NRK: variants seen among roughly 807,000 people sequenced by gnomAD.
NRK encodes nik-related protein kinase.
Under a neutral mutation model 125.2 loss-of-function variants are expected in NRK, and 67 were observed. The ratio of observed to expected loss-of-function variants is 0.54; its 90% CI spans 0.44 to 0.66. The LOEUF is 0.66. NRK is among the 30% of genes least tolerant of loss of function. The pLI, the probability that NRK is intolerant of heterozygous loss-of-function variation, is 0.00. For synonymous variants in NRK, 458 were observed against 429.0 expected (o/e 1.07, Z -0.84); for missense variants, 1,224 against 1,192.9 (o/e 1.03, Z -0.38).
chrX:105,885,248 G>T (rs2039928950), intron 4 of NRK, among the ~76,000 whole-genome samples: 2 of 111,951 alleles, frequency 1.8e-5, no homozygotes, highest in African/African-American at 6.5e-5. Context: ...ATTCAAAGGA[G>T]GTCAGTGAGG....
intron 24 of NRK, among the ~76,000 whole-genome samples, chrX:105,944,816 T>A (rs2040792581): frequency 9.0e-6 from 1 of 111,692 alleles, no homozygotes; most frequent in South Asian, 3.8e-4. Flanking sequence ...CTAAACACAT[T>A]TCTCTCTCTA....
intron 2 of NRK, among the ~76,000 whole-genome samples, chrX:105,832,029 T>A (rs922492781): frequency 9.0e-6 from 1 of 111,679 alleles, no homozygotes; most frequent in Non-Finnish European, 1.9e-5. Context: ...CCATTATATA[T>A]CAGGGACTTG....
chrX:105,838,576 A>G (rs1191989340), intron 2 of NRK, among the ~76,000 whole-genome samples: 2 of 111,376 alleles, frequency 1.8e-5, no homozygotes, highest in African/African-American at 6.5e-5. Context: ...CAAGGCAACC[A>G]TTTCAAGCAA....
chrX:105,929,115 A>G (rs767425994), intron 19 of NRK, among the ~76,000 whole-genome samples: 2 of 111,850 alleles, frequency 1.8e-5, no homozygotes, highest in East Asian at 5.6e-4. Flanking sequence ...ATTGTAGTTT[A>G]TCTCTCCCTT....
At chrX:105,856,657 C>T in intron 2 of NRK, among the ~76,000 whole-genome samples, 1 of 110,905 alleles carries the variant, frequency 9.0e-6, no homozygotes, top group East Asian at 2.8e-4. Context: ...ATTAAAGGGC[C>T]TGATTTTCTT....
chrX:105,882,959 A>G lies in NRK; in HGVS notation c.252+1180A>G, dbSNP rs752574980. On this transcript the variant is annotated intron_variant, in intron 4 of 28. Coordinates refer to ENST00000243300, the MANE Select transcript of NRK (RefSeq NM_198465.4). ...CTCTCTGGCACACTTTCCTTAGAGA[A>G]AAGGATTTTGATTCTAGAATTGGAT... 7.1e-5 allele frequency among the ~76,000 whole-genome samples: 8 copies of G among 112,478 alleles called. No individual in the cohort carries two copies. In the South Asian group the frequency reaches 1.5e-3, roughly 21 times the overall value.
chrX:105,864,561 A>G (rs1307926125), intron 2 of NRK, among the ~76,000 whole-genome samples: 4 of 111,631 alleles, frequency 3.6e-5, no homozygotes, highest in Non-Finnish European at 7.5e-5. Context: ...TATACATCTT[A>G]AGTAAAACAC....
At position 105,924,811 on chromosome X, in the gene NRK, G is replaced by C; in HGVS notation, c.3092G>C (p.Ser1031Thr). Residue 1031 changes from serine (S) to threonine (T), a missense_variant, in exon 19 of 29, where the codon AGT becomes ACT. Physicochemically the swap from Ser to Thr is moderately conservative, Grantham distance 58. Coordinates refer to ENST00000243300, the MANE Select transcript of NRK (RefSeq NM_198465.4). ...ACAGCCAATAGAAGCCATGGAGGAA[G>C]TGCAGCCAGTGAGGACAATGCAGCC... Reference protein sequence around the residue: ...SHTANRSHGGSAASEDNAAIG... With the variant: ...SHTANRSHGGTAASEDNAAIG... The C allele has an allele frequency of 8.3e-7, 1 of 1,210,587 alleles. No homozygotes were observed. Among genetic ancestry groups the C allele is most frequent in the South Asian group, 1.8e-5 (1 of 56,857 alleles).
chrX:105,837,962 C>T (rs1437629733), intron 2 of NRK, among the ~76,000 whole-genome samples: 1 of 111,372 alleles, frequency 9.0e-6, no homozygotes, highest in Admixed American at 9.5e-5. Flanking sequence ...CTGACTCTCC[C>T]AGTAACTGAC....
At chrX:105,934,824 A>C (rs1270620999) in intron 20 of NRK, among the ~76,000 whole-genome samples, 2 of 111,991 alleles carry the variant, frequency 1.8e-5, no homozygotes, top group Non-Finnish European at 3.8e-5. Flanking sequence ...TTGTTTTTTT[A>C]TTTTGAAATA....
In NRK at chrX:105,924,703, A is replaced by G. The variant is rs772920831; in HGVS notation, c.2984A>G (p.Tyr995Cys). The change falls in exon 19 of 29, where the codon TAT (tyrosine) becomes TGT (cysteine). Residue 995 changes from tyrosine (Y) to cysteine (C), a missense_variant. Transcript: ENST00000243300. Reference sequence around the variant, plus strand: ...TTGGAGCTTGTTGTCAGGGCAAGCTATGGCAGAGATGGAAGCTGCAAGCAA... The same window carrying G: ...TTGGAGCTTGTTGTCAGGGCAAGCTGTGGCAGAGATGGAAGCTGCAAGCAA... The part of the protein sequence containing the change: ...YEAPSCPRAS[Y>C]GRDGSCKQDG... 2.5e-6 allele frequency: 3 copies of G among 1,192,530 alleles called. No individual in the cohort carries two copies. The highest frequency in any genetic ancestry group is 4.6e-5 in the Admixed American group (2 of 43,099).
chrX:105,855,824 A>G (rs1048482406), intron 2 of NRK, among the ~76,000 whole-genome samples: 3 of 111,669 alleles, frequency 2.7e-5, no homozygotes, highest in Non-Finnish European at 5.7e-5. Context: ...GTGTACAACA[A>G]ATTTTCTAAA....
At chrX:105,950,020 T>A (rs2147799776) in intron 27 of NRK, among the ~76,000 whole-genome samples, 1 of 112,236 alleles carries the variant, frequency 8.9e-6, no homozygotes, top group South Asian at 3.7e-4. Flanking sequence ...TCTATAATTT[T>A]GTTTTAACTC....
chrX:105,949,776 AT>A, intron 27 of NRK, 42 bp downstream of exon 27: 1 of 940,040 alleles, frequency 1.1e-6, no homozygotes, highest in Non-Finnish European at 1.5e-6. Context: ...CCCAGAGAAA[AT>A]TTACAAGGGT....
chrX:105,828,768 A>G (rs1156954336), intron 1 of NRK, among the ~76,000 whole-genome samples: 4 of 111,838 alleles, frequency 3.6e-5, no homozygotes, highest in Admixed American at 1.9e-4. Flanking sequence ...TCTCTCATAA[A>G]TCTTTCAATG....
chrX:105,877,924 T>C (rs774568816), intron 2 of NRK, among the ~76,000 whole-genome samples: 62 of 111,527 alleles, frequency 5.6e-4, no homozygotes, highest in South Asian at 1.8e-3. Context: ...TGTCATAATC[T>C]ATTGATTTTA....
At position 105,909,620 on chromosome X, in the gene NRK, G is replaced by T; in HGVS notation, c.1979G>T (p.Gly660Val). 2 of 1,203,641 alleles carry T rather than the reference G, an allele frequency of 1.7e-6. No individual in the cohort carries two copies. Among genetic ancestry groups the T allele is most frequent in the Non-Finnish European group, 2.2e-6 (2 of 891,107 alleles). The change falls in exon 13 of 29, where the codon GGT becomes GTT. Residue 660 changes from glycine to valine, a missense_variant. By Grantham distance (109) the Gly-to-Val change is moderately radical. Coordinates refer to ENST00000243300, the MANE Select transcript of NRK (RefSeq NM_198465.4). ...APNSNNSKPL[G>V]PLQTLMENLS... ...AACTCAAATAACTCAAAGCCACTTG[G>T]TCCGTTGCAAACCCTGATGGAAAAT... is the stretch of plus-strand genomic sequence containing the variant.
chrX:105,908,691 C>A, intron 12 of NRK, 36 bp from the exon 13 acceptor site: 1 of 1,146,546 alleles, frequency 8.7e-7, no homozygotes, highest in Non-Finnish European at 1.2e-6. Context: ...ACTAAAAATT[C>A]TAATTGTATG....
At chrX:105,895,194 C>CT (rs1056243261) in intron 6 of NRK, 13 of 503,740 alleles carry the variant, frequency 2.6e-5, no homozygotes, top group African/African-American at 1.4e-4. Context: ...TTTTGGTGCT[C>CT]TTTTTTTTCG....
Sources: gnomAD v4.1 joint callset for allele counts (sites outside exome capture counted in the v4.1 genomes callset) on GRCh38, gnomAD v4.1.1 for gene constraint, MANE v1.5 for transcripts, NCBI Gene and HGNC (gene_info 2026-07-23, HGNC 2026-07-21) for gene names.